FOXN2: variants seen among roughly 807,000 people sequenced by gnomAD.
FOXN2 encodes forkhead box N2, also known as forkhead box protein N2.
A neutral mutation model predicts 41.2 loss-of-function variants in FOXN2; 19 were observed. That is an observed-to-expected ratio of 0.46 (90% CI 0.32 to 0.68). The LOEUF is 0.68. FOXN2 is among the 30% of genes least tolerant of loss of function. FOXN2 has a pLI of 0.03. For missense variants in FOXN2, 587 were observed against 509.4 expected, an observed-to-expected ratio of 1.15 and a Z score of -1.47; for synonymous variants, 195 against 176.8, an observed-to-expected ratio of 1.10 and a Z score of -0.82.
intron 2 of FOXN2, among the ~76,000 whole-genome samples, chr2:48,339,072 A>G (rs746217605): frequency 6.6e-6 from 1 of 152,176 alleles, no homozygotes; most frequent in Non-Finnish European, 1.5e-5. Flanking sequence ...ATATGTATAG[A>G]TATATATTCA....
chr2:48,359,197 T>C, intron 4 of FOXN2, 50 bp downstream of exon 4: 2 of 1,308,680 alleles, frequency 1.5e-6, no homozygotes, highest in Non-Finnish European at 2.2e-6. Flanking sequence ...GATTTCACTG[T>C]GTGAGATGGA....
chr2:48,340,014 T>C (rs1404109081), intron 2 of FOXN2, among the ~76,000 whole-genome samples: 1 of 152,236 alleles, frequency 6.6e-6, no homozygotes, highest in Admixed American at 6.5e-5. Flanking sequence ...TTCCATATAA[T>C]TTAATTTTAT....
At chr2:48,362,050 T>A (rs1208600805) in intron 4 of FOXN2, among the ~76,000 whole-genome samples, 1 of 152,206 alleles carries the variant, frequency 6.6e-6, no homozygotes, top group East Asian at 1.9e-4. Context: ...CACAACAGCC[T>A]ATGTGGGAGA....
In FOXN2 at chr2:48,325,095, T is replaced by C. The variant is rs116943746; in HGVS notation, c.-156-3466T>C. On this transcript the variant is annotated intron_variant, in intron 1 of 6. Transcript: ENST00000340553. ...GAGGATGTAGATACTGAATCAGTTA[T>C]TGATTTTTGTTTGTTTGTTTGTTTT... is the stretch of plus-strand genomic sequence containing the variant. 3.0e-4 allele frequency among the ~76,000 whole-genome samples: 45 copies of C among 152,362 alleles called. No individual in the cohort carries two copies. In the East Asian group the frequency reaches 8.5e-3, roughly 29 times the overall value.
At chr2:48,350,680 A>G (rs1558628828) in intron 3 of FOXN2, among the ~76,000 whole-genome samples, 1 of 152,144 alleles carries the variant, frequency 6.6e-6, no homozygotes, top group East Asian at 1.9e-4. Flanking sequence ...CTTCATTCAT[A>G]AGGGTTTCTC....
At chr2:48,316,736 T>G (rs902987148) in intron 1 of FOXN2, among the ~76,000 whole-genome samples, 1 of 152,232 alleles carries the variant, frequency 6.6e-6, no homozygotes, top group African/African-American at 2.4e-5. Context: ...GGACAATCCT[T>G]GTTTACTAAT....
intron 2 of FOXN2, among the ~76,000 whole-genome samples, chr2:48,336,281 G>A (rs910525280): frequency 6.6e-6 from 1 of 151,408 alleles, no homozygotes; most frequent in African/African-American, 2.4e-5. Context: ...GGTGGTGCAC[G>A]CCTGTAGTCT....
At chr2:48,336,583 T>TA (rs1457956339) in intron 2 of FOXN2, among the ~76,000 whole-genome samples, 1 of 150,300 alleles carries the variant, frequency 6.7e-6, no homozygotes, top group Non-Finnish European at 1.5e-5. Context: ...AGTAGAGGAT[T>TA]AAAAAAAATG....
At chr2:48,369,862 C>T (rs139774934) in intron 5 of FOXN2, among the ~76,000 whole-genome samples, 2 of 151,776 alleles carry the variant, frequency 1.3e-5, no homozygotes, top group East Asian at 1.9e-4. Flanking sequence ...GAGCCAGGTG[C>T]GGTGGTACAT....
At chr2:48,374,070 C>CAAAA (rs199915487) in intron 6 of FOXN2, among the ~76,000 whole-genome samples, 1 of 111,220 alleles carries the variant, frequency 9.0e-6, no homozygotes. Flanking sequence ...ACTCTGTCTC[C>CAAAA]AAAAAAAAAA....
chr2:48,324,465 A>C (rs1348740226), intron 1 of FOXN2, among the ~76,000 whole-genome samples: 1 of 152,180 alleles, frequency 6.6e-6, no homozygotes, highest in Non-Finnish European at 1.5e-5. Flanking sequence ...AAGTGCTTGG[A>C]CCAGTAAATA....
At chr2:48,316,407 A>G (rs1019437008) in intron 1 of FOXN2, among the ~76,000 whole-genome samples, 2 of 152,206 alleles carry the variant, frequency 1.3e-5, no homozygotes, top group African/African-American at 2.4e-5. Context: ...TGCAATCAGA[A>G]GTAATTGCAT....
rs528085422 is a variant in FOXN2 at position 48,364,467 on chromosome 2, C to T, written c.703+1760C>T. Among the ~76,000 whole-genome samples, 286 of 152,138 alleles carry T rather than the reference C, an allele frequency of 1.9e-3. 2 individuals are homozygous for T. The highest frequency in any genetic ancestry group is 3.3e-3 in the Admixed American group (50 of 15,274). On this transcript the variant is annotated intron_variant, in intron 5 of 6. Coordinates refer to ENST00000340553, the MANE Select transcript of FOXN2 (RefSeq NM_002158.4). Reference sequence around the variant, plus strand: ...ATATGTGAATAGATACACTTGCATGCGTGTATGTACAGGGACACATACATA... The same window carrying T: ...ATATGTGAATAGATACACTTGCATGTGTGTATGTACAGGGACACATACATA...
At chr2:48,338,931 C>A (rs766304092) in intron 2 of FOXN2, among the ~76,000 whole-genome samples, 5 of 152,054 alleles carry the variant, frequency 3.3e-5, no homozygotes, top group Non-Finnish European at 7.4e-5. Context: ...GACAAGTCAT[C>A]TACTGGGGAA....
At chr2:48,320,469 T>A (rs184969385) in intron 1 of FOXN2, among the ~76,000 whole-genome samples, 8 of 152,122 alleles carry the variant, frequency 5.3e-5, no homozygotes, top group African/African-American at 1.9e-4. Context: ...TTTTGTATTT[T>A]TAGTAGAGAC....
chr2:48,341,982 G>T (rs1213403636), intron 2 of FOXN2, among the ~76,000 whole-genome samples: 2 of 152,174 alleles, frequency 1.3e-5, no homozygotes, highest in Admixed American at 1.3e-4. Flanking sequence ...ATAAGTCCAT[G>T]ACCTTTTTAA....
intron 2 of FOXN2, among the ~76,000 whole-genome samples, chr2:48,339,688 T>G (rs555866846): frequency 1.3e-5 from 2 of 152,338 alleles, no homozygotes; most frequent in African/African-American, 4.8e-5. Flanking sequence ...ATTCAGCATT[T>G]TTTGGTAAGC....
intron 5 of FOXN2, 45 bp from the exon 6 acceptor site, chr2:48,373,247 C>T (rs377384083): frequency 3.2e-5 from 44 of 1,356,916 alleles, no homozygotes; most frequent in Non-Finnish European, 3.7e-5. Context: ...AGAATAGCCT[C>T]TCCTTTATAA....
At chr2:48,359,025 A>G (rs1671992172) in intron 3 of FOXN2, 22 bp from the exon 4 acceptor site, 1 of 1,561,514 alleles carries the variant, frequency 6.4e-7, no homozygotes, top group African/African-American at 1.4e-5. Flanking sequence ...GTTCCTAGTT[A>G]TTCTTGTGCA....
Sources: gnomAD v4.1 joint callset for allele counts (sites outside exome capture counted in the v4.1 genomes callset) on GRCh38, gnomAD v4.1.1 for gene constraint, MANE v1.5 for transcripts, NCBI Gene and HGNC (gene_info 2026-07-23, HGNC 2026-07-21) for gene names.